THRB: variants seen among roughly 807,000 people sequenced by gnomAD.
THRB encodes the protein thyroid hormone receptor beta, also known as nuclear receptor subfamily 1 group A member 2.
In THRB, 12 loss-of-function variants were observed where a neutral mutation model predicts 47.8. That is an observed-to-expected ratio of 0.25 (90% CI 0.16 to 0.41). The LOEUF (loss-of-function observed/expected upper bound fraction) is 0.41, where lower values mean the gene tolerates loss of function less well. Ranked by LOEUF, THRB falls within the 10% of genes least tolerant of loss-of-function variation. THRB has a pLI of 1.00. For missense variants in THRB, 348 were observed against 589.2 expected, an observed-to-expected ratio of 0.59 and a Z score of 4.24; for synonymous variants, 218 against 212.2, an observed-to-expected ratio of 1.03 and a Z score of -0.24.
chr3:24,452,451 G>A (rs2072754365), intron 1 of THRB, among the ~76,000 whole-genome samples: 1 of 152,028 alleles, frequency 6.6e-6, no homozygotes, highest in African/African-American at 2.4e-5. Flanking sequence ...TTACAGCAGG[G>A]TTGAGAAGGG....
At chr3:24,160,963 G>A (rs2038719129) in intron 5 of THRB, among the ~76,000 whole-genome samples, 1 of 152,222 alleles carries the variant, frequency 6.6e-6, no homozygotes, top group Admixed American at 6.5e-5. Context: ...TGCATGCTCT[G>A]GATGAGGTTA....
At chr3:24,208,498 G>C (rs1346480738) in intron 4 of THRB, among the ~76,000 whole-genome samples, 1 of 152,146 alleles carries the variant, frequency 6.6e-6, no homozygotes, top group African/African-American at 2.4e-5. Context: ...TACCAAAACA[G>C]AGATATAGAC....
At chr3:24,198,466 C>CCT (rs2044236296) in intron 4 of THRB, among the ~76,000 whole-genome samples, 4 of 61,434 alleles carry the variant, frequency 6.5e-5, no homozygotes, top group African/African-American at 2.3e-4. Context: ...CCCCCCCCCC[C>CCT]TTTTTTTTTT....
chr3:24,209,537 G>A (rs1042872656), intron 4 of THRB, among the ~76,000 whole-genome samples: 6 of 152,158 alleles, frequency 3.9e-5, no homozygotes, highest in Admixed American at 2.0e-4. Context: ...GGACATGGAT[G>A]AAGCTGGAAA....
chr3:24,360,096 G>T (rs1278010931), intron 1 of THRB, among the ~76,000 whole-genome samples: 1 of 152,098 alleles, frequency 6.6e-6, no homozygotes, highest in Non-Finnish European at 1.5e-5. Context: ...TCCCCTTCAT[G>T]CCTTCCTAGA....
intron 4 of THRB, among the ~76,000 whole-genome samples, chr3:24,207,263 T>C (rs1453762253): frequency 2.0e-5 from 3 of 152,150 alleles, no homozygotes; most frequent in Admixed American, 2.0e-4. Flanking sequence ...ACGGGCAAAC[T>C]GAATCCAGCA....
intron 1 of THRB, among the ~76,000 whole-genome samples, chr3:24,359,701 T>G (rs2063937573): frequency 6.6e-6 from 1 of 152,154 alleles, no homozygotes; most frequent in African/African-American, 2.4e-5. Flanking sequence ...TTCAAAACTA[T>G]AAGTATTTTA....
At chr3:24,458,328 G>T (rs1670594010) in intron 1 of THRB, 1 of 152,092 alleles carries the variant, frequency 6.6e-6, no homozygotes, top group South Asian at 2.1e-4. Flanking sequence ...AAGCACAAAA[G>T]ACCACGGAAG....
chr3:24,205,840 A>G (rs931977150), intron 4 of THRB, among the ~76,000 whole-genome samples: 11 of 152,184 alleles, frequency 7.2e-5, no homozygotes, highest in African/African-American at 2.4e-4. Context: ...AAAAAGGCAG[A>G]GGTTGCAATC....
At chr3:24,471,417 A>G (rs561819344) in intron 1 of THRB, among the ~76,000 whole-genome samples, 6 of 152,382 alleles carry the variant, frequency 3.9e-5, no homozygotes, top group Non-Finnish European at 7.3e-5. Context: ...TTATCAGTGC[A>G]TACTAAATTA....
At chr3:24,133,883 G>A (rs941813991) in intron 8 of THRB, among the ~76,000 whole-genome samples, 1 of 152,180 alleles carries the variant, frequency 6.6e-6, no homozygotes, top group Admixed American at 6.5e-5. Context: ...CGTGGGCAGT[G>A]ATAGAGCAGA....
chr3:24,396,638 G>A (rs143199498), intron 1 of THRB, among the ~76,000 whole-genome samples: 393 of 152,190 alleles, frequency 2.6e-3, no homozygotes, highest in Non-Finnish European at 4.0e-3. Flanking sequence ...TAGGGCCTCC[G>A]ATTTCCTCTG....
chr3:24,441,047 T>C (rs76723802), intron 1 of THRB, among the ~76,000 whole-genome samples: 8,965 of 152,094 alleles, frequency 0.059, 871 homozygotes, highest in African/African-American at 0.2. Context: ...ACCTCACTGG[T>C]TGTTGGTGGA....
intron 4 of THRB, among the ~76,000 whole-genome samples, chr3:24,203,113 A>T (rs2044794692): frequency 6.6e-6 from 1 of 152,162 alleles, no homozygotes; most frequent in Admixed American, 6.6e-5. Context: ...AGGAAAGGGC[A>T]TTTTTCTTTA....
At position 24,119,980 on chromosome 3, in the gene THRB, C is replaced by T. The variant is rs2148758171; in HGVS notation, c.*2904G>A. ...GGTGTGTTCTCCTCTACTGAGACGT[C>T]TCCCTGCCGAGGGGGTGGGAGCGCA... On this transcript the variant is annotated 3_prime_UTR_variant, in exon 11 of 11. Coordinates refer to ENST00000646209, the MANE Select transcript of THRB (RefSeq NM_001354712.2). 6.6e-6 allele frequency: 1 copy of T among 152,300 alleles called. No individual in the cohort carries two copies. Among genetic ancestry groups the T allele is most frequent in the Admixed American group, 6.5e-5 (1 of 15,302 alleles). The allele number at this position is 152,300 out of a possible 1,614,324, so 9.4% of individuals were successfully genotyped here. A position where few individuals can be genotyped will look rare whatever the true frequency, so the allele number is the denominator to read the frequency against.
At chr3:24,384,899 A>T (rs1036266221) in intron 1 of THRB, among the ~76,000 whole-genome samples, 4 of 152,094 alleles carry the variant, frequency 2.6e-5, no homozygotes, top group Non-Finnish European at 5.9e-5. Flanking sequence ...AATGCTCTAA[A>T]TTTTATCTGG....
At chr3:24,163,794 A>C (rs1343882771) in intron 5 of THRB, among the ~76,000 whole-genome samples, 1 of 152,146 alleles carries the variant, frequency 6.6e-6, no homozygotes, top group African/African-American at 2.4e-5. Flanking sequence ...TAATCCCCTT[A>C]ATATTTCATG....
intron 2 of THRB, among the ~76,000 whole-genome samples, chr3:24,313,675 C>T (rs532466702): frequency 1.2e-3 from 190 of 152,084 alleles, no homozygotes; most frequent in African/African-American, 4.5e-3. Flanking sequence ...ACCTCATTTC[C>T]TCTTGTACTA....
At chr3:24,458,768 G>A (rs1015555882) in intron 1 of THRB, 3 of 152,032 alleles carry the variant, frequency 2.0e-5, no homozygotes, top group Non-Finnish European at 4.4e-5. Flanking sequence ...AAGAAGAACC[G>A]AACTGCAAAC....
Sources: allele counts gnomAD v4.1 joint callset (sites outside exome capture counted in the v4.1 genomes callset), GRCh38; gene constraint gnomAD v4.1.1; transcripts MANE v1.5; gene names NCBI Gene and HGNC (gene_info 2026-07-23, HGNC 2026-07-21).